Variants in NBAS observed in about 807,000 individuals in gnomAD.
NBAS encodes the protein NAG/BC035112 fusion.
In NBAS, 219 loss-of-function variants were observed where a neutral mutation model predicts 302.5. That is an observed-to-expected ratio of 0.72 (90% CI 0.65 to 0.81). NBAS has a LOEUF of 0.81. NBAS is among the 30% of genes least tolerant of loss of function. NBAS has a pLI of 0.00. For missense variants in NBAS, 2,932 were observed against 2,841.6 expected (o/e 1.03, Z -0.72); for synonymous variants, 1,118 against 1,021.6 (o/e 1.09, Z -1.80).
intron 9 of NBAS, among the ~76,000 whole-genome samples, chr2:15,529,258 G>T (rs1427360221): frequency 6.6e-6 from 1 of 152,090 alleles, no homozygotes. Context: ...CCAGCACTTT[G>T]GGAGGCTGAG....
chr2:15,510,190 T>C lies in NBAS; in HGVS notation c.885+1022A>G, dbSNP rs115431532. Among the ~76,000 whole-genome samples, 529 of 152,324 alleles carry C rather than the reference T, an allele frequency of 3.5e-3. 2 individuals are homozygous for C. Among genetic ancestry groups the C allele is most frequent in the African/African-American group, 0.012 (499 of 41,576 alleles). On this transcript the variant is annotated intron_variant, in intron 10 of 51. Transcript: ENST00000281513. ...ACAGTTTACACAAATAACTAAGACA[T>C]GCAAGACTGCAGTGTGGCCAGGATG...
the NBAS span, among the ~76,000 whole-genome samples, chr2:15,123,390 G>C: frequency 6.6e-6 from 1 of 152,152 alleles, no homozygotes; most frequent in Non-Finnish European, 1.5e-5. Flanking sequence ...CGGAGACCAG[G>C]TGAAGGGAGC....
chr2:15,459,473 A>G (rs1679402330), intron 21 of NBAS, among the ~76,000 whole-genome samples: 1 of 151,532 alleles, frequency 6.6e-6, no homozygotes, highest in African/African-American at 2.4e-5. Flanking sequence ...AAATTATTTG[A>G]AAATGAAAAA....
chr2:15,543,319 C>T (rs1293889498), intron 6 of NBAS, among the ~76,000 whole-genome samples: 1 of 152,136 alleles, frequency 6.6e-6, no homozygotes, highest in Non-Finnish European at 1.5e-5. Context: ...TTTCATCTTT[C>T]AAGCTTCACT....
At chr2:14,801,696 T>A in the NBAS span, among the ~76,000 whole-genome samples, 1 of 152,198 alleles carries the variant, frequency 6.6e-6, no homozygotes, top group Non-Finnish European at 1.5e-5. Context: ...CCTGGTAATT[T>A]TTTATTGAAT....
the NBAS span, among the ~76,000 whole-genome samples, chr2:14,884,312 G>C: frequency 1.2e-4 from 18 of 152,182 alleles, no homozygotes; most frequent in African/African-American, 4.3e-4. Flanking sequence ...GACTACTGAG[G>C]TTGGACCAAC....
At chr2:15,167,371 C>T (rs766564337) in intron 51 of NBAS, 48 bp from the exon 52 acceptor site, 7 of 1,606,082 alleles carry the variant, frequency 4.4e-6, no homozygotes, top group Middle Eastern at 1.7e-4. Flanking sequence ...TTGCTTTGTT[C>T]GCCTCCCCCT....
the NBAS span, among the ~76,000 whole-genome samples, chr2:15,031,265 G>C: frequency 6.6e-6 from 1 of 152,142 alleles, no homozygotes; most frequent in African/African-American, 2.4e-5. Flanking sequence ...CCACTAAATA[G>C]CTGTGTGAGC....
chr2:15,001,686 G>C, the NBAS span, among the ~76,000 whole-genome samples: 1 of 152,062 alleles, frequency 6.6e-6, no homozygotes, highest in African/African-American at 2.4e-5. Context: ...GCGGACCCTC[G>C]CAGTGAGTGT....
the NBAS span, among the ~76,000 whole-genome samples, chr2:15,063,752 T>C: frequency 6.6e-6 from 1 of 152,136 alleles, no homozygotes; most frequent in Non-Finnish European, 1.5e-5. Context: ...TTACAAAACA[T>C]ATGCAAGAAG....
At chr2:15,547,335 A>G (rs1304570967) in intron 6 of NBAS, among the ~76,000 whole-genome samples, 2 of 152,226 alleles carry the variant, frequency 1.3e-5, no homozygotes, top group Non-Finnish European at 2.9e-5. Flanking sequence ...AGTTATTCCC[A>G]TAAAGATGAG....
chr2:14,806,659 A>T, the NBAS span, among the ~76,000 whole-genome samples: 2 of 152,228 alleles, frequency 1.3e-5, no homozygotes, highest in Non-Finnish European at 2.9e-5. Flanking sequence ...AATTTTAGCC[A>T]AAATAATCAA....
intron 48 of NBAS, among the ~76,000 whole-genome samples, chr2:15,212,645 G>C (rs1377538992): frequency 6.6e-6 from 1 of 152,188 alleles, no homozygotes; most frequent in Non-Finnish European, 1.5e-5. Context: ...ACGTGTAGTG[G>C]AAGGGAACTG....
At chr2:15,230,786 G>A (rs1176277963) in intron 47 of NBAS, among the ~76,000 whole-genome samples, 1 of 152,174 alleles carries the variant, frequency 6.6e-6, no homozygotes, top group African/African-American at 2.4e-5. Flanking sequence ...AGAACTCACT[G>A]ACAAGCTGGG....
At chr2:15,157,602 T>C in the NBAS span, among the ~76,000 whole-genome samples, 6 of 152,200 alleles carry the variant, frequency 3.9e-5, no homozygotes, top group Non-Finnish European at 8.8e-5. Flanking sequence ...GGTTCCTTTT[T>C]TTCATATCAG....
chr2:15,342,339 T>C (rs529988846), intron 35 of NBAS, among the ~76,000 whole-genome samples: 166 of 152,242 alleles, frequency 1.1e-3, no homozygotes, highest in African/African-American at 3.9e-3. Context: ...CAATAAATCA[T>C]GGTACATGCA....
the NBAS span, among the ~76,000 whole-genome samples, chr2:14,989,295 G>GTGTGTGTGTGTGTGTGTA: frequency 6.8e-6 from 1 of 147,272 alleles, no homozygotes; most frequent in Non-Finnish European, 1.5e-5. Flanking sequence ...GTATGTGTAT[G>GTGTGTGTGTGTGTGTGTA]TGTGTGTGTG....
intron 42 of NBAS, among the ~76,000 whole-genome samples, chr2:15,277,308 T>A (rs751230408): frequency 6.6e-6 from 1 of 152,190 alleles, no homozygotes; most frequent in Non-Finnish European, 1.5e-5. Context: ...GACTACACAC[T>A]CGTCATGTTA....
intron 38 of NBAS, 69 bp from the exon 39 acceptor site, chr2:15,309,316 G>T: frequency 7.7e-7 from 1 of 1,297,068 alleles, no homozygotes; most frequent in Non-Finnish European, 1.1e-6. Context: ...TAAATGCCAT[G>T]TTTTCAGCCC....
Sources: gnomAD v4.1 joint callset for allele counts (sites outside exome capture counted in the v4.1 genomes callset) on GRCh38, gnomAD v4.1.1 for gene constraint, MANE v1.5 for transcripts, NCBI Gene and HGNC (gene_info 2026-07-23, HGNC 2026-07-21) for gene names.